Variants in SCAF8 observed in about 807,000 individuals in gnomAD.
The protein encoded by SCAF8 is SR-related CTD associated factor 8.
Under a neutral mutation model 140.5 loss-of-function variants are expected in SCAF8, and 23 were observed. That is an observed-to-expected ratio of 0.16 (90% CI 0.12 to 0.23). The LOEUF (loss-of-function observed/expected upper bound fraction) is 0.23, where lower values mean the gene tolerates loss of function less well. Ranked by LOEUF, SCAF8 falls within the 10% of genes least tolerant of loss-of-function variation. The pLI, the probability that SCAF8 is intolerant of heterozygous loss-of-function variation, is 1.00. For missense variants in SCAF8, 1,397 were observed against 1,555.7 expected, an observed-to-expected ratio of 0.90 and a Z score of 1.72; for synonymous variants, 575 against 528.9, an observed-to-expected ratio of 1.09 and a Z score of -1.20.
rs868791768 is a variant in SCAF8 at position 154,775,319 on chromosome 6, A to G, written c.114+1247A>G. ...AAGACATGATTATTTAGAGGATTTG[A>G]TAGGCTCATTGTGGAATAATTTTAT... On this transcript the variant is annotated intron_variant, in intron 2 of 19. Transcript: ENST00000367178. Among the ~76,000 whole-genome samples the G allele has an allele frequency of 5.9e-5, 9 of 152,322 alleles. No homozygotes were observed. In the South Asian group the frequency reaches 1.2e-3, roughly 21 times the overall value.
At chr6:154,826,834 AAC>A (rs1263996774) in intron 17 of SCAF8, among the ~76,000 whole-genome samples, 23 of 152,348 alleles carry the variant, frequency 1.5e-4, no homozygotes, top group Non-Finnish European at 2.6e-4. Context: ...CTAGTGAGTA[AAC>A]ACACGTATCA....
intron 2 of SCAF8, among the ~76,000 whole-genome samples, chr6:154,776,311 GTATATATA>G (rs751835442): frequency 3.4e-4 from 35 of 101,588 alleles, no homozygotes; most frequent in Admixed American, 6.4e-4. Flanking sequence ...ATATATATAT[GTATATATA>G]TAAACACTAC....
chr6:154,808,773 A>G lies in SCAF8; in HGVS notation c.1201A>G (p.Arg401Gly), dbSNP rs1285456519. ...GAAAGTGGCGGTTCGCTCAAGATCA[A>G]GAACACATTCACGATCTCGTTCAAG... ...AKKVAVRSRSRTHSRSRSRSP... is the reference protein window; with the variant it reads ...AKKVAVRSRSGTHSRSRSRSP... Residue 401 changes from arginine (R) to glycine (G), a missense_variant, in exon 11 of 20, where the codon AGA (arginine) becomes GGA (glycine). By Grantham distance (125) the Arg-to-Gly change is moderately radical (BLOSUM62 -2). This residue lies in a region of SCAF8 where 339 missense variants were observed against 407.5 expected (regional missense o/e 0.83). Transcript: ENST00000367178. 2 of 1,612,776 alleles carry G rather than the reference A, an allele frequency of 1.2e-6. No homozygotes were observed. Among genetic ancestry groups the G allele is most frequent in the South Asian group, 1.1e-5 (1 of 91,026 alleles).
intron 6 of SCAF8, among the ~76,000 whole-genome samples, chr6:154,796,083 T>C (rs749302859): frequency 6.6e-6 from 1 of 152,172 alleles, no homozygotes; most frequent in African/African-American, 2.4e-5. Flanking sequence ...GTTTTCTTAA[T>C]GTATTGCACT....
chr6:154,820,732 C>G (rs748293860), intron 15 of SCAF8, among the ~76,000 whole-genome samples: 1 of 151,942 alleles, frequency 6.6e-6, no homozygotes, highest in African/African-American at 2.4e-5. Flanking sequence ...GCAATAGAAT[C>G]GTAGTTTAGG....
chr6:154,812,898 T>C (rs1778138032), intron 12 of SCAF8, among the ~76,000 whole-genome samples: 1 of 151,790 alleles, frequency 6.6e-6, no homozygotes, highest in African/African-American at 2.4e-5. Context: ...GAACCAGTAA[T>C]AAAGAGGAAA....
At position 154,832,454 on chromosome 6, in the gene SCAF8, G is replaced by A; in HGVS notation, c.2875G>A (p.Asp959Asn). 2 of 1,614,078 alleles carry A rather than the reference G, an allele frequency of 1.2e-6. No individual in the cohort carries two copies. The highest frequency in any genetic ancestry group is 4.5e-5 in the East Asian group (2 of 44,884). ...QRGIPPPSVL[D>N]SALHPPPRGP... is the part of the protein sequence containing the mutation. ...GGGAATCCCACCCCCATCGGTACTT[G>A]ATTCAGCTCTTCATCCACCACCCCG... Residue 959 changes from aspartate (D) to asparagine (N), a missense_variant, in exon 20 of 20, where the codon GAT (aspartate) becomes AAT (asparagine). Physicochemically the swap from Asp to Asn is conservative, Grantham distance 23. This residue lies in a region of SCAF8 where 930 missense variants were observed against 874.6 expected (regional missense o/e 1.06). Transcript: ENST00000367178.
At chr6:154,741,813 T>TCCTC (rs1233229165) in intron 1 of SCAF8, 2 of 571,754 alleles carry the variant, frequency 3.5e-6, no homozygotes, top group Non-Finnish European at 6.4e-6. Context: ...GTTACGCTGT[T>TCCTC]TTGGACAACT....
intron 1 of SCAF8, among the ~76,000 whole-genome samples, chr6:154,753,874 G>A (rs903483415): frequency 6.6e-6 from 1 of 152,094 alleles, no homozygotes; most frequent in Non-Finnish European, 1.5e-5. Flanking sequence ...CTCTTACTCT[G>A]TCACACAGGC....
chr6:154,752,345 C>T (rs1778857520), intron 1 of SCAF8, among the ~76,000 whole-genome samples: 1 of 152,122 alleles, frequency 6.6e-6, no homozygotes, highest in Non-Finnish European at 1.5e-5. Flanking sequence ...TTAATCTTTT[C>T]TTAGCCTCAT....
chr6:154,770,925 A>G (rs1051439358), intron 1 of SCAF8, among the ~76,000 whole-genome samples: 1 of 152,064 alleles, frequency 6.6e-6, no homozygotes, highest in Non-Finnish European at 1.5e-5. Context: ...TTGCACTTTT[A>G]GTAGAGATGG....
At chr6:154,784,155 A>ATATATATATATATATATATATTTATT (rs1408182952) in intron 3 of SCAF8, among the ~76,000 whole-genome samples, 2 of 92,010 alleles carry the variant, frequency 2.2e-5, no homozygotes, top group African/African-American at 4.0e-5. Flanking sequence ...ATATATATAT[A>ATATATATATATATATATATATTTATT]TATTTATTTA....
intron 15 of SCAF8, 28 bp downstream of exon 15, chr6:154,820,361 TA>T (rs556111544): frequency 4.0e-5 from 63 of 1,565,984 alleles, no homozygotes; most frequent in Admixed American, 1.9e-4. Context: ...TTTTTATTGT[TA>T]AAAAAAAGTA....
chr6:154,774,113 A>T lies in SCAF8; in HGVS notation c.114+41A>T, dbSNP rs750468339. The T allele has an allele frequency of 2.3e-6, 3 of 1,290,878 alleles. No individual in the cohort carries two copies. In the East Asian group the frequency reaches 6.9e-5, roughly 30 times the overall value. The allele number at this position is 1,290,878 out of a possible 1,614,324, so 80.0% of individuals were successfully genotyped here. On this transcript the variant is annotated intron_variant, in intron 2 of 19. Transcript: ENST00000367178. ...TACTCTTCTATTTTCAAAAGAAAAAACTATATTAATAGTTTGGATGGGGGA... is the reference window on the plus strand; with the variant it reads ...TACTCTTCTATTTTCAAAAGAAAAATCTATATTAATAGTTTGGATGGGGGA...
chr6:154,792,871 A>G lies in SCAF8; in HGVS notation c.370A>G (p.Lys124Glu). Residue 124 changes from lysine (K) to glutamate (E), a missense_variant, in exon 5 of 20, where the codon AAG becomes GAG. Physicochemically the swap from Lys to Glu is moderately conservative, Grantham distance 56 (BLOSUM62 1). Around this residue, in one of 5 missense-constraint regions of SCAF8, gnomAD observed 43 missense variants for 142.1 expected, o/e 0.30. Transcript: ENST00000367178. ...CTTATGGCAGAAGAATAATGTATTTAAGAGTGAGATTATTCAGCCCCTTTT... is the reference window on the plus strand; with the variant it reads ...CTTATGGCAGAAGAATAATGTATTTGAGAGTGAGATTATTCAGCCCCTTTT... ...LNLWQKNNVF[K>E]SEIIQPLLDM... 6.2e-7 allele frequency: 1 copy of G among 1,611,800 alleles called. No homozygotes were observed. The highest frequency in any genetic ancestry group is 8.5e-7 in the Non-Finnish European group (1 of 1,177,952).
At chr6:154,752,377 A>G (rs866380488) in intron 1 of SCAF8, among the ~76,000 whole-genome samples, 11 of 152,158 alleles carry the variant, frequency 7.2e-5, no homozygotes, top group East Asian at 1.9e-4. Context: ...AGATAATGGT[A>G]TATTTCCTGA....
chr6:154,776,295 A>G (rs1035280622), intron 2 of SCAF8, among the ~76,000 whole-genome samples: 1 of 39,352 alleles, frequency 2.5e-5, no homozygotes, highest in African/African-American at 1.3e-4. Flanking sequence ...GTGTGTATAT[A>G]TGTATATATA....
chr6:154,789,105 G>A (rs533656704), intron 4 of SCAF8, among the ~76,000 whole-genome samples: 7 of 151,998 alleles, frequency 4.6e-5, no homozygotes, highest in Non-Finnish European at 7.4e-5. Context: ...TAGCTATGGC[G>A]ATAAATTTAT....
chr6:154,782,285 C>T (rs1288878264), intron 3 of SCAF8, among the ~76,000 whole-genome samples: 1 of 152,056 alleles, frequency 6.6e-6, no homozygotes, highest in Non-Finnish European at 1.5e-5. Context: ...GGCAAGTGCC[C>T]GTGTTCCCAG....
Sources: gnomAD v4.1 joint callset for allele counts (sites outside exome capture counted in the v4.1 genomes callset) on GRCh38, gnomAD v4.1.1 for gene constraint, gnomAD v4.1.1 regional missense constraint, MANE v1.5 for transcripts, NCBI Gene and HGNC (gene_info 2026-07-23, HGNC 2026-07-21) for gene names.